The following VWA2 variants were observed in gnomAD, a reference collection of about 807,000 sequenced individuals.
The protein encoded by VWA2 is von Willebrand factor A domain containing 2.
A neutral mutation model predicts 70.4 loss-of-function variants in VWA2; 73 were observed. That is an observed-to-expected ratio of 1.04 (90% CI 0.86 to 1.26). The LOEUF (loss-of-function observed/expected upper bound fraction) is 1.26. Ranked by LOEUF, VWA2 falls within the 50% of genes most tolerant of loss-of-function variation. The probability of loss-of-function intolerance (pLI) is 0.00; values close to 1 mark genes in which losing one functional copy is unlikely to be tolerated. For synonymous variants in VWA2, 407 were observed against 423.3 expected (o/e 0.96, Z 0.47); for missense variants, 1,011 against 998.5 (o/e 1.01, Z -0.17).
rs1041296090 is a variant in VWA2, at chr10:114,294,006, G to A, written c.*2769G>A. On this transcript the variant is annotated 3_prime_UTR_variant, in exon 14 of 14. Coordinates refer to ENST00000392982, the MANE Select transcript of VWA2 (RefSeq NM_001272046.2). ...GATGAACTAAGAGTGTTTATTACAT[G>A]TTGAGATTTATGGTATGCTTTTTCT... Among the ~76,000 whole-genome samples the A allele has an allele frequency of 6.6e-5, 10 of 152,130 alleles. No homozygotes were observed. Among genetic ancestry groups the A allele is most frequent in the South Asian group, 6.2e-4 (3 of 4,826 alleles).
Position 114,286,308 on chromosome 10 carries a change from A to G in VWA2, c.1367A>G (p.His456Arg), listed in dbSNP as rs1346554945. ...GTGGTGGTTTTGCTCACTGAGTCAC[A>G]CTCCGAGGATGAGGTTGCGGGCCCA... is the stretch of plus-strand genomic sequence containing the variant. ...RRVVVLLTES[H>R]SEDEVAGPAR... The change falls in exon 11 of 14, where the codon CAC becomes CGC. Residue 456 changes from histidine (H) to arginine (R), a missense_variant. His to Arg is a conservative substitution (Grantham distance 29). Coordinates refer to ENST00000392982, the MANE Select transcript of VWA2 (RefSeq NM_001272046.2). 1.2e-6 allele frequency: 2 copies of G among 1,611,394 alleles called. No homozygotes were observed. The highest frequency in any genetic ancestry group is 1.7e-6 in the Non-Finnish European group (2 of 1,178,338).
intron 4 of VWA2, among the ~76,000 whole-genome samples, chr10:114,257,248 C>A (rs2037350464): frequency 6.6e-6 from 1 of 152,134 alleles, no homozygotes. Context: ...AGCATAGACC[C>A]TAAAAGGGCC....
chr10:114,272,459 C>T (rs1205060280), intron 5 of VWA2, among the ~76,000 whole-genome samples: 1 of 152,154 alleles, frequency 6.6e-6, no homozygotes, highest in East Asian at 1.9e-4. Context: ...GCTGTCGGCC[C>T]AGAGTCATCA....
intron 4 of VWA2, among the ~76,000 whole-genome samples, chr10:114,255,666 C>A (rs2037311560): frequency 1.3e-5 from 2 of 152,204 alleles, no homozygotes; most frequent in Non-Finnish European, 1.5e-5. Flanking sequence ...AGGAACTATT[C>A]CTGCTTGAGT....
intron 1 of VWA2, among the ~76,000 whole-genome samples, chr10:114,241,947 G>A (rs1014826833): frequency 4.2e-5 from 6 of 141,972 alleles, no homozygotes; most frequent in African/African-American, 1.6e-4. Context: ...TGGTGATTGT[G>A]TGTGTGCATT....
At chr10:114,266,985 A>G (rs916127582) in intron 5 of VWA2, among the ~76,000 whole-genome samples, 2 of 152,202 alleles carry the variant, frequency 1.3e-5, no homozygotes, top group Admixed American at 1.3e-4. Context: ...ATTATTTAAT[A>G]ATCCAAGTTC....
chr10:114,285,907 C>A, intron 10 of VWA2, 32 bp from the exon 11 acceptor site: 2 of 1,551,746 alleles, frequency 1.3e-6, no homozygotes, highest in Non-Finnish European at 1.7e-6. Flanking sequence ...ATGACCATGG[C>A]TTGACAGTGG....
intron 3 of VWA2, among the ~76,000 whole-genome samples, chr10:114,254,472 A>G (rs758675200): frequency 3.3e-5 from 5 of 152,006 alleles, no homozygotes; most frequent in Non-Finnish European, 7.4e-5. Flanking sequence ...TCCATCTCCC[A>G]CCATATTCCT....
Position 114,278,005 on chromosome 10 carries a change from A to G in VWA2, c.658A>G (p.Ser220Gly). 1 of 1,612,952 alleles carries G rather than the reference A, an allele frequency of 6.2e-7. No homozygotes were observed. Residue 220 changes from serine to glycine, a missense_variant, in exon 7 of 14, where the codon AGC (serine) becomes GGC (glycine). Ser to Gly is a moderately conservative substitution (Grantham distance 56, BLOSUM62 0). Transcript: ENST00000392982. ...QVEDATNGLFSTLSSSAICSS... is the reference protein window; with the variant it reads ...QVEDATNGLFGTLSSSAICSS... ...GGAGGATGCCACCAACGGCCTCTTC[A>G]GCACCCTCAGCAGCTCGGCCATCTG...
chr10:114,240,204 C>T (rs866957743), intron 1 of VWA2, among the ~76,000 whole-genome samples: 1 of 152,234 alleles, frequency 6.6e-6, no homozygotes, highest in Non-Finnish European at 1.5e-5. Context: ...GGTGACTTCC[C>T]CCACCTGGCT....
intron 1 of VWA2, among the ~76,000 whole-genome samples, chr10:114,244,627 A>G (rs2037031921): frequency 1.7e-5 from 2 of 116,570 alleles, no homozygotes; most frequent in South Asian, 4.8e-4. Context: ...TGTGGAATTC[A>G]CCCTTTAAAA....
chr10:114,246,829 A>G, intron 1 of VWA2: 2 of 876,558 alleles, frequency 2.3e-6, no homozygotes, highest in Non-Finnish European at 3.8e-6. Flanking sequence ...AGAGCGCTAC[A>G]AGAAATATTT....
At chr10:114,284,487 G>A (rs568023052) in intron 9 of VWA2, among the ~76,000 whole-genome samples, 5 of 152,300 alleles carry the variant, frequency 3.3e-5, no homozygotes, top group East Asian at 1.9e-4. Context: ...AGGTGCAGAG[G>A]CCATTAAGAC....
chr10:114,242,349 G>A (rs887194055), intron 1 of VWA2, among the ~76,000 whole-genome samples: 1 of 152,158 alleles, frequency 6.6e-6, no homozygotes, highest in Non-Finnish European at 1.5e-5. Flanking sequence ...TACCCAGGAG[G>A]CTCATGCTCA....
At chr10:114,248,886 A>G in intron 2 of VWA2, 121 bp downstream of exon 2, 2 of 923,208 alleles carry the variant, frequency 2.2e-6, no homozygotes. Flanking sequence ...TCTCCCCTCC[A>G]TGGCCACCTC....
At chr10:114,254,056 A>C (rs968316909) in intron 3 of VWA2, among the ~76,000 whole-genome samples, 2 of 151,750 alleles carry the variant, frequency 1.3e-5, no homozygotes. Flanking sequence ...AACAAGCAAA[A>C]CAGCTCAGTA....
chr10:114,254,175 A>T (rs942775738), intron 3 of VWA2, among the ~76,000 whole-genome samples: 8 of 151,804 alleles, frequency 5.3e-5, no homozygotes, highest in African/African-American at 1.7e-4. Flanking sequence ...GGGCTCAAGC[A>T]ATCCTCCTGC....
chr10:114,256,909 C>CAAAAAA (rs1191231574), intron 4 of VWA2, among the ~76,000 whole-genome samples: 1 of 54,804 alleles, frequency 1.8e-5, no homozygotes. Context: ...AACACCGTCT[C>CAAAAAA]AAAAAAAAAA....
chr10:114,246,803 C>T lies in VWA2; in HGVS notation c.-10-1901C>T, dbSNP rs559827821. The T allele has an allele frequency of 9.1e-4, 939 of 1,033,888 alleles. 5 individuals are homozygous for T. The highest frequency in any genetic ancestry group is 8.5e-3 in the Middle Eastern group (28 of 3,298). 64.0% of individuals were successfully genotyped at this position (1,033,888 alleles called of 1,614,324 possible). ...CTACTAAAATTTATTTTACCATTGA[C>T]TGCTGCCCTCAATCTAGAGCGCTAC... On this transcript the variant is annotated intron_variant, in intron 1 of 13. Transcript: ENST00000392982.
Sources: allele counts gnomAD v4.1 joint callset (sites outside exome capture counted in the v4.1 genomes callset), GRCh38; gene constraint gnomAD v4.1.1; transcripts MANE v1.5; gene names NCBI Gene and HGNC (gene_info 2026-07-23, HGNC 2026-07-21).